Variants in AHI1 observed in about 807,000 individuals in gnomAD.
AHI1 encodes Abelson helper integration site 1.
In AHI1, 123 loss-of-function variants were observed where a neutral mutation model predicts 149.3. The observed-to-expected ratio is 0.82, with a 90% confidence interval of 0.71 to 0.96. The LOEUF (loss-of-function observed/expected upper bound fraction) is 0.96, where lower values mean the gene tolerates loss of function less well. Ranked by LOEUF, AHI1 falls within the 40% of genes least tolerant of loss-of-function variation. The pLI is 0.00. For synonymous variants in AHI1, 475 were observed against 459.8 expected (o/e 1.03, Z -0.42); for missense variants, 1,439 against 1,422.7 (o/e 1.01, Z -0.18).
chr6:135,378,689 T>C (rs958013562), intron 23 of AHI1, among the ~76,000 whole-genome samples: 22 of 152,198 alleles, frequency 1.4e-4, no homozygotes, highest in African/African-American at 4.6e-4. Flanking sequence ...TAGATTAACA[T>C]AGATTTAACA....
At chr6:135,286,186 T>C in intron 28 of AHI1, among the ~76,000 whole-genome samples, 1 of 152,200 alleles carries the variant, frequency 6.6e-6, no homozygotes, top group Non-Finnish European at 1.5e-5. Context: ...TTGACCAAGA[T>C]AGTAACAATC....
At chr6:135,333,435 C>T (rs1582641762) in intron 24 of AHI1, among the ~76,000 whole-genome samples, 1 of 152,024 alleles carries the variant, frequency 6.6e-6, no homozygotes, top group Non-Finnish European at 1.5e-5. Flanking sequence ...CAGTCCCTTA[C>T]CATTATATCC....
intron 23 of AHI1, among the ~76,000 whole-genome samples, chr6:135,361,308 T>C (rs1207558403): frequency 2.6e-5 from 4 of 152,200 alleles, no homozygotes; most frequent in Non-Finnish European, 5.9e-5. Context: ...GTCAGTATTG[T>C]TGTTTTAAAC....
At chr6:135,387,857 A>G in intron 23 of AHI1, 1 of 1,498,724 alleles carries the variant, frequency 6.7e-7, no homozygotes, top group Non-Finnish European at 8.9e-7. Context: ...GATTCTGACA[A>G]TTCTATGAAG....
chr6:135,287,000 A>AGAGAC (rs1781765695), intron 28 of AHI1, among the ~76,000 whole-genome samples: 1 of 152,246 alleles, frequency 6.6e-6, no homozygotes, highest in Non-Finnish European at 1.5e-5. Flanking sequence ...AAAGTCACAG[A>AGAGAC]GAGACATATA....
chr6:135,494,379 T>A (rs1292121830), intron 3 of AHI1, among the ~76,000 whole-genome samples: 1 of 152,210 alleles, frequency 6.6e-6, no homozygotes, highest in African/African-American at 2.4e-5. Flanking sequence ...TGGGTCATGT[T>A]GAGTTGGGTA....
intron 20 of AHI1, among the ~76,000 whole-genome samples, chr6:135,415,691 C>G (rs1466509053): frequency 6.6e-6 from 1 of 152,176 alleles, no homozygotes; most frequent in African/African-American, 2.4e-5. Context: ...TATGTCCATA[C>G]AAAGACTTGT....
chr6:135,461,250 A>T (rs753301192), intron 8 of AHI1, among the ~76,000 whole-genome samples: 8 of 152,092 alleles, frequency 5.3e-5, no homozygotes, highest in Non-Finnish European at 1.2e-4. Flanking sequence ...GTTTTAAAAA[A>T]TGCAGACAAC....
At chr6:135,354,599 T>C (rs1792671220) in intron 24 of AHI1, among the ~76,000 whole-genome samples, 1 of 152,136 alleles carries the variant, frequency 6.6e-6, no homozygotes, top group Non-Finnish European at 1.5e-5. Context: ...GACTTAACAA[T>C]TAACTAACTT....
intron 23 of AHI1, among the ~76,000 whole-genome samples, chr6:135,380,260 C>G (rs551439261): frequency 6.6e-6 from 1 of 152,032 alleles, no homozygotes; most frequent in South Asian, 2.1e-4. Context: ...TGAAACTATT[C>G]AGAAAAGAAA....
At chr6:135,446,541 A>C (rs1411204952) in intron 13 of AHI1, among the ~76,000 whole-genome samples, 1 of 152,190 alleles carries the variant, frequency 6.6e-6, no homozygotes, top group Non-Finnish European at 1.5e-5. Flanking sequence ...TGAGAGTGAG[A>C]AGCTCATGAA....
At chr6:135,368,546 A>T (rs1774536343) in intron 23 of AHI1, among the ~76,000 whole-genome samples, 1 of 152,142 alleles carries the variant, frequency 6.6e-6, no homozygotes, top group Admixed American at 6.5e-5. Context: ...GTCTGAACTC[A>T]GACTCTCTTT....
intron 19 of AHI1, 53 bp from the exon 20 acceptor site, chr6:135,427,360 A>C: frequency 6.9e-7 from 1 of 1,456,462 alleles, no homozygotes; most frequent in Non-Finnish European, 9.4e-7. Context: ...CTGTATCGAT[A>C]AATCTTCTCA....
Position 135,414,147 on chromosome 6 carries a change from T to C in AHI1, c.2765-2603A>G, listed in dbSNP as rs150495028. ...ATAAATAAACAGATCAACAGAATAGTATAGAGTGCCCAGGGTGTATAGACA... is the reference window on the plus strand; with the variant it reads ...ATAAATAAACAGATCAACAGAATAGCATAGAGTGCCCAGGGTGTATAGACA... On this transcript the variant is annotated intron_variant, in intron 20 of 28. Transcript: ENST00000265602. Among the ~76,000 whole-genome samples the C allele has an allele frequency of 3.2e-3, 481 of 152,240 alleles. 3 individuals carry two copies. The highest frequency in any genetic ancestry group is 0.011 in the African/African-American group (441 of 41,558).
At chr6:135,385,948 AT>A (rs2128473518) in intron 23 of AHI1, among the ~76,000 whole-genome samples, 1 of 152,312 alleles carries the variant, frequency 6.6e-6, no homozygotes, top group East Asian at 1.9e-4. Flanking sequence ...CATTTTTACC[AT>A]TTTTATGATG....
At chr6:135,457,360 A>G (rs1400888334) in intron 9 of AHI1, 134 bp downstream of exon 9, 1 of 634,240 alleles carries the variant, frequency 1.6e-6, no homozygotes, top group Admixed American at 2.9e-5. Context: ...ACTGATGAAC[A>G]CCTACAACTA....
intron 5 of AHI1, among the ~76,000 whole-genome samples, chr6:135,474,309 T>C (rs1281161581): frequency 6.6e-6 from 1 of 152,186 alleles, no homozygotes; most frequent in Non-Finnish European, 1.5e-5. Context: ...TCCTTTACAA[T>C]CTGTATGCCT....
intron 15 of AHI1, among the ~76,000 whole-genome samples, chr6:135,434,041 T>C (rs533212899): frequency 6.6e-6 from 1 of 152,174 alleles, no homozygotes; most frequent in African/African-American, 2.4e-5. Context: ...ATACAGGTGC[T>C]ATATAAGTGT....
intron 24 of AHI1, among the ~76,000 whole-genome samples, chr6:135,326,938 T>C (rs1375288381): frequency 6.6e-6 from 1 of 152,164 alleles, no homozygotes; most frequent in African/African-American, 2.4e-5. Context: ...CCATTATACC[T>C]CTCTGTATGC....
Sources: allele counts gnomAD v4.1 joint callset (sites outside exome capture counted in the v4.1 genomes callset), GRCh38; gene constraint gnomAD v4.1.1; transcripts MANE v1.5; gene names NCBI Gene and HGNC (gene_info 2026-07-23, HGNC 2026-07-21).